Variants in NBPF11 observed in about 807,000 individuals in gnomAD.
NBPF11 encodes NBPF member 11.
In NBPF11, 72 loss-of-function variants were observed where a neutral mutation model predicts 93.9. The ratio of observed to expected loss-of-function variants is 0.77; its 90% confidence interval spans 0.63 to 0.93. The LOEUF (loss-of-function observed/expected upper bound fraction) is 0.93. Among genes scored for constraint, NBPF11 ranks in the 40% least tolerant of loss-of-function variants. The probability of loss-of-function intolerance (pLI) is 0.00; values close to 1 mark genes in which losing one functional copy is unlikely to be tolerated. For missense variants in NBPF11, 705 were observed against 802.2 expected (o/e 0.88, Z 1.46); for synonymous variants, 224 against 304.9 (o/e 0.73, Z 2.76).
chr1:148,103,327 T>G lies in NBPF11; in HGVS notation c.*569A>C. 1.8e-5 allele frequency: 7 copies of G among 382,692 alleles called. No individual in the cohort carries two copies. Among genetic ancestry groups the G allele is most frequent in the Non-Finnish European group, 3.0e-5 (6 of 202,882 alleles). The allele number at this position is 382,692 out of a possible 1,614,324, so 23.7% of individuals were successfully genotyped here. Reference sequence around the variant, plus strand: ...GATGAGCTAAACACAAAGATGACACTGACCTTGAGCAGGTATAGAAGCTCA... The same window carrying G: ...GATGAGCTAAACACAAAGATGACACGGACCTTGAGCAGGTATAGAAGCTCA... On this transcript the variant is annotated 3_prime_UTR_variant, in exon 24 of 24. Coordinates refer to ENST00000682118, the MANE Select transcript of NBPF11 (RefSeq NM_001385469.3).
chr1:148,126,893 G>T lies in NBPF11; in HGVS notation c.111C>A (p.Asn37Lys). The T allele has an allele frequency of 4.2e-6, 6 of 1,435,572 alleles. No individual in the cohort carries two copies. The highest frequency in any genetic ancestry group is 5.8e-6 in the Non-Finnish European group (6 of 1,034,118). The allele number at this position is 1,435,572 out of a possible 1,614,324, so 88.9% of individuals were successfully genotyped here. A position where few individuals can be genotyped will look rare whatever the true frequency, so the allele number is the denominator to read the frequency against. The change falls in exon 5 of 24, where the codon AAC becomes AAA. Residue 37 changes from asparagine (N) to lysine (K), a missense_variant. Asn to Lys is a moderately conservative substitution (Grantham distance 94). This residue lies in a region of NBPF11 where 128 missense variants were observed against 112.8 expected (regional missense o/e 1.14). Coordinates refer to ENST00000682118, the MANE Select transcript of NBPF11 (RefSeq NM_001385469.3). ...QLAENKQQFR[N>K]LKERCFLTQL... is the part of the protein sequence containing the mutation. ...GAGTTAGAAAACATCTCTCTTTGAG[G>T]TTTCTGAACTGCTGTTTGTTCTCTG... is the stretch of plus-strand genomic sequence containing the variant.
chr1:148,146,351 T>A, intron 1 of NBPF11: 2 of 1,471,454 alleles, frequency 1.4e-6, no homozygotes, highest in East Asian at 5.2e-5. Flanking sequence ...GGCGGCGTTG[T>A]TGGCGGGGGC....
intron 9 of NBPF11, among the ~76,000 whole-genome samples, chr1:148,121,339 G>A (rs1336007674): frequency 2.7e-5 from 4 of 148,418 alleles, no homozygotes; most frequent in Non-Finnish European, 5.9e-5. Flanking sequence ...CAGCGTCCCT[G>A]GTCAGAGACT....
intron 1 of NBPF11, chr1:148,149,398 C>A (rs1305388699): frequency 1.3e-6 from 2 of 1,580,486 alleles, no homozygotes; most frequent in Non-Finnish European, 1.7e-6. Context: ...GCAGGGAGGA[C>A]GAGGTGATCG....
intron 1 of NBPF11, among the ~76,000 whole-genome samples, chr1:148,144,404 C>T (rs1219464359): frequency 1.3e-5 from 2 of 151,030 alleles, no homozygotes; most frequent in African/African-American, 4.9e-5. Context: ...AAAACCGTGA[C>T]ACTTGGAGAT....
chr1:148,109,537 C>T, intron 16 of NBPF11: 1 of 637,216 alleles, frequency 1.6e-6, no homozygotes, highest in Non-Finnish European at 2.8e-6. Flanking sequence ...GGGCAAAATT[C>T]CCCTGTGTTG....
intron 10 of NBPF11, among the ~76,000 whole-genome samples, chr1:148,120,001 A>G (rs1431710127): frequency 4.7e-5 from 7 of 150,250 alleles, no homozygotes; most frequent in African/African-American, 1.7e-4. Flanking sequence ...CACAGGTTCT[A>G]TTAGGAGCAG....
chr1:148,134,735 G>C (rs1298131029), intron 4 of NBPF11, among the ~76,000 whole-genome samples: 1 of 151,844 alleles, frequency 6.6e-6, no homozygotes, highest in Non-Finnish European at 1.5e-5. Context: ...ATGGCATTGG[G>C]GCTGGTACAG....
intron 3 of NBPF11, among the ~76,000 whole-genome samples, chr1:148,136,135 A>G (rs1320248483): frequency 1.3e-5 from 2 of 152,038 alleles, no homozygotes; most frequent in African/African-American, 4.8e-5. Flanking sequence ...GGAATGTACA[A>G]TAGTATAAAC....
chr1:148,114,303 A>G (rs1665968933), intron 15 of NBPF11, 134 bp downstream of exon 15: 2 of 728,836 alleles, frequency 2.7e-6, no homozygotes, highest in South Asian at 3.0e-5. Flanking sequence ...ATGACATACA[A>G]CATTGTAAAT....
rs1558121615 is a variant in NBPF11, at chr1:148,103,764, T to G, written c.*132A>C. On this transcript the variant is annotated 3_prime_UTR_variant, in exon 24 of 24. Transcript: ENST00000682118. ...TTGTCCATGTCAAGGGCAAAGCTGA[T>G]GTGCTGTTCCTCAAATGAGTAAAAC... 2 of 1,611,864 alleles carry G rather than the reference T, an allele frequency of 1.2e-6. No homozygotes were observed. Among genetic ancestry groups the G allele is most frequent in the East Asian group, 2.2e-5 (1 of 44,884 alleles).
At chr1:148,142,502 G>A (rs1672356447) in intron 2 of NBPF11, among the ~76,000 whole-genome samples, 1 of 151,106 alleles carries the variant, frequency 6.6e-6, no homozygotes, top group Non-Finnish European at 1.5e-5. Context: ...CTGCCCGGCT[G>A]CAGGTGGGGG....
At chr1:148,127,127 A>C in intron 4 of NBPF11, 89 bp from the exon 5 acceptor site, 2 of 449,494 alleles carry the variant, frequency 4.4e-6, no homozygotes, top group Non-Finnish European at 7.5e-6. Flanking sequence ...CAGTAACTGA[A>C]ATTCTTAACT....
At chr1:148,123,140 C>A (rs1197383095) in intron 7 of NBPF11, among the ~76,000 whole-genome samples, 1 of 152,036 alleles carries the variant, frequency 6.6e-6, no homozygotes, top group Non-Finnish European at 1.5e-5. Flanking sequence ...GGTGTCCTGT[C>A]ACAGTTCGCA....
Position 148,120,532 on chromosome 1 carries a change from G to A in NBPF11, c.957C>T (p.Ala319=). ...TGTTCTGCTGCTTGGCCAGGAAGCA[G>A]GCCACTTGAGTTACAAAACATTTCT... ...LKEKCFVTQV[A]CFLAKQQNKY... The change falls in exon 10 of 24, where the codon GCC becomes GCT. Residue 319 remains alanine (A), a synonymous_variant. Transcript: ENST00000682118. The A allele has an allele frequency of 1.1e-6, 1 of 948,908 alleles. No homozygotes were observed. The highest frequency in any genetic ancestry group is 1.3e-5 in the South Asian group (1 of 77,914). The allele number at this position is 948,908 out of a possible 1,614,324, so 58.8% of individuals were successfully genotyped here. A position where few individuals can be genotyped will look rare whatever the true frequency, so the allele number is the denominator to read the frequency against.
chr1:148,135,776 A>G lies in NBPF11; in HGVS notation c.-140T>C. ...TAGCAAGATCTGAGTTTCTCCAGGT[A>G]TGATATTATTTTGTTTGACCATCCT... On this transcript the variant is annotated 5_prime_UTR_variant, in exon 4 of 24. Coordinates refer to ENST00000682118, the MANE Select transcript of NBPF11 (RefSeq NM_001385469.3). 1.4e-6 allele frequency: 1 copy of G among 714,650 alleles called. No homozygotes were observed. The highest frequency in any genetic ancestry group is 1.6e-5 in the South Asian group (1 of 63,878). The allele number at this position is 714,650 out of a possible 1,614,324, so 44.3% of individuals were successfully genotyped here.
At chr1:148,140,580 C>CA (rs3053729) in intron 2 of NBPF11, among the ~76,000 whole-genome samples, 17,404 of 131,378 alleles carry the variant, frequency 0.13, 1,300 homozygotes, top group East Asian at 0.26. Context: ...CAACACAAAG[C>CA]AAAAAAAAAA....
intron 1 of NBPF11, among the ~76,000 whole-genome samples, chr1:148,144,073 C>A (rs1320621808): frequency 2.6e-5 from 4 of 151,770 alleles, no homozygotes; most frequent in Admixed American, 2.6e-4. Flanking sequence ...TTTGAGTAGC[C>A]AGGGAAGTTT....
chr1:148,149,655 C>T (rs1308542554), intron 1 of NBPF11: 1 of 1,192,586 alleles, frequency 8.4e-7, no homozygotes, highest in Non-Finnish European at 1.1e-6. Flanking sequence ...GCATGTGGAC[C>T]CCCCCGGGCG....
Sources: gnomAD v4.1 joint callset for allele counts (sites outside exome capture counted in the v4.1 genomes callset) on GRCh38, gnomAD v4.1.1 for gene constraint, gnomAD v4.1.1 regional missense constraint, MANE v1.5 for transcripts, NCBI Gene and HGNC (gene_info 2026-07-23, HGNC 2026-07-21) for gene names.